Variants in PCDH15 observed in about 807,000 individuals in gnomAD.
PCDH15 encodes protocadherin-15.
A neutral mutation model predicts 178.5 loss-of-function variants in PCDH15; 129 were observed. The ratio of observed to expected loss-of-function variants is 0.72; its 90% CI spans 0.63 to 0.84. PCDH15 has a LOEUF of 0.84. PCDH15 is among the 40% of genes least tolerant of loss of function. The pLI, the probability that PCDH15 is intolerant of heterozygous loss-of-function variation, is 0.00. For missense variants in PCDH15, 2,230 were observed against 2,099.9 expected (o/e 1.06, Z -1.21); for synonymous variants, 800 against 732.0 (o/e 1.09, Z -1.50).
Position 54,349,656 on chromosome 10 carries a change from A to C in PCDH15, c.475-3172T>G, listed in dbSNP as rs183787351. On this transcript the variant is annotated intron_variant, in intron 5 of 37. Coordinates refer to ENST00000644397, the MANE Select transcript of PCDH15 (RefSeq NM_001384140.1). ...ATAATGTTTAATATGTAGTCCTTTA[A>C]AATAAACTCTACATTGTTATAATGT... Among the ~76,000 whole-genome samples, 895 of 151,314 alleles carry C rather than the reference A, an allele frequency of 5.9e-3. 6 individuals carry two copies. Among genetic ancestry groups the C allele is most frequent in the African/African-American group, 0.02 (835 of 41,238 alleles).
In PCDH15 at chr10:53,857,185, C is replaced by A; in HGVS notation, c.3796G>T (p.Asp1266Tyr). The A allele has an allele frequency of 6.3e-7, 1 of 1,595,706 alleles. No homozygotes were observed. The highest frequency in any genetic ancestry group is 8.6e-7 in the Non-Finnish European group (1 of 1,164,062). The change falls in exon 28 of 38, where the codon GAT becomes TAT. Residue 1266 changes from aspartate (D) to tyrosine (Y), a missense_variant. Coordinates refer to ENST00000644397, the MANE Select transcript of PCDH15 (RefSeq NM_001384140.1). Reference protein sequence around the residue: ...PPTLVEKKIEDLTEILDRYVQ... With the variant: ...PPTLVEKKIEYLTEILDRYVQ... ...GACAAAATCAATTACTCTGTAAGAT[C>A]TTCTATCTTTTTTTCCACTAGAGTA... is the stretch of plus-strand genomic sequence containing the variant.
chr10:54,239,276 T>A (rs1312744368), intron 8 of PCDH15, among the ~76,000 whole-genome samples: 1 of 151,966 alleles, frequency 6.6e-6, no homozygotes, highest in Non-Finnish European at 1.5e-5. Context: ...ATAGAATTGT[T>A]GAAATGAGCA....
chr10:54,812,651 G>T (rs1952883441), intron 3 of PCDH15, among the ~76,000 whole-genome samples: 3 of 151,974 alleles, frequency 2.0e-5, no homozygotes, highest in Admixed American at 1.3e-4. Context: ...TAGAGACAGG[G>T]TTTCACCATG....
chr10:54,497,650 T>G (rs898866575), intron 3 of PCDH15, among the ~76,000 whole-genome samples: 1 of 152,008 alleles, frequency 6.6e-6, no homozygotes, highest in Non-Finnish European at 1.5e-5. Context: ...AGAATATGAT[T>G]GGAAACAATA....
At chr10:53,888,318 G>GTATTTATATGTATGTACATATATA (rs1238264864) in intron 26 of PCDH15, among the ~76,000 whole-genome samples, 1 of 91,824 alleles carries the variant, frequency 1.1e-5, no homozygotes, top group Non-Finnish European at 1.9e-5. Flanking sequence ...ATGTATATAT[G>GTATTTATATGTATGTACATATATA]TACGTATATA....
At chr10:55,555,585 AG>A (rs1842074564) in intron 2 of PCDH15, among the ~76,000 whole-genome samples, 1 of 152,132 alleles carries the variant, frequency 6.6e-6, no homozygotes, top group African/African-American at 2.4e-5. Context: ...GAAACAAGTA[AG>A]TGAAGACCAC....
chr10:53,905,301 G>A, intron 25 of PCDH15: 1 of 497,084 alleles, frequency 2.0e-6, no homozygotes, highest in South Asian at 1.5e-5. Context: ...TAAATCAAAT[G>A]TTAAACCAAC....
rs562167252 is a variant in PCDH15, at chr10:54,900,306, A to C, written c.-79-2806T>G. Among the ~76,000 whole-genome samples, 11 of 152,318 alleles carry C rather than the reference A, an allele frequency of 7.2e-5. No individual in the cohort carries two copies. In the East Asian group the frequency reaches 1.9e-3, roughly 27 times the overall value. On this transcript the variant is annotated intron_variant, in intron 2 of 5. Coordinates refer to the PCDH15 transcript ENST00000458638. Reference sequence around the variant, plus strand: ...ATAATATTCGAACGTGATAATTTTAAGGGGAAAATTGTCAGTGTAAAAAAA... The same window carrying C: ...ATAATATTCGAACGTGATAATTTTACGGGGAAAATTGTCAGTGTAAAAAAA...
At chr10:54,709,413 A>C (rs2095404631) in intron 1 of PCDH15, among the ~76,000 whole-genome samples, 1 of 151,682 alleles carries the variant, frequency 6.6e-6, no homozygotes, top group Non-Finnish European at 1.5e-5. Context: ...TATACTGCAC[A>C]ATCTATTTAA....
intron 2 of PCDH15, among the ~76,000 whole-genome samples, chr10:55,532,460 G>A (rs1841475847): frequency 6.6e-6 from 1 of 152,016 alleles, no homozygotes; most frequent in South Asian, 2.1e-4. Flanking sequence ...TGACTTCTAT[G>A]TGCTGTGATA....
rs1485254070 is a variant in PCDH15, at chr10:53,888,687, ATATATATATATATAT to A, written c.3501+14541_3501+14555del. ...TTGATATATATATATATATATATATATATATATATATATATATCTCCTGTGGAAATTGATAAGCTG... is the reference window on the plus strand; with the variant it reads ...TTGATATATATATATATATATATATAATCTCCTGTGGAAATTGATAAGCTG... On this transcript the variant is annotated intron_variant, in intron 26 of 37. Transcript: ENST00000644397. 5.8e-4 allele frequency among the ~76,000 whole-genome samples: 26 copies of A among 45,092 alleles called. 3 individuals are homozygous for A. The South Asian group carries it at 6.8e-3, about 12-fold the overall frequency. 29.6% of individuals were successfully genotyped at this position (45,092 alleles called of 152,430 possible).
chr10:54,141,368 A>G lies in PCDH15; in HGVS notation c.1785-8361T>C, dbSNP rs368541192. Among the ~76,000 whole-genome samples the G allele has an allele frequency of 2.6e-5, 4 of 152,132 alleles. No homozygotes were observed. In the East Asian group the frequency reaches 7.7e-4, roughly 29 times the overall value. ...TTTTAAGGTTCTTGGCAAAAATCTT[A>G]TAAAAGACTTATTTTTATGAGTTCT... On this transcript the variant is annotated intron_variant, in intron 14 of 37. Coordinates refer to ENST00000644397, the MANE Select transcript of PCDH15 (RefSeq NM_001384140.1).
At chr10:55,479,149 G>A (rs773446786) in intron 2 of PCDH15, among the ~76,000 whole-genome samples, 29 of 151,326 alleles carry the variant, frequency 1.9e-4, no homozygotes, top group Non-Finnish European at 3.3e-4. Context: ...TATGAGGTCA[G>A]CATTACTCTG....
chr10:54,008,376 A>G (rs1438197798), intron 20 of PCDH15, among the ~76,000 whole-genome samples: 1 of 152,178 alleles, frequency 6.6e-6, no homozygotes, highest in African/African-American at 2.4e-5. Context: ...CTGATGTAGA[A>G]GCGTTAAGTA....
intron 18 of PCDH15, among the ~76,000 whole-genome samples, chr10:54,040,412 G>A (rs748964821): frequency 3.3e-5 from 5 of 151,878 alleles, no homozygotes; most frequent in South Asian, 4.1e-4. Context: ...CATGTAAGAC[G>A]TGCCTTTTAC....
At chr10:53,881,212 T>C (rs1004672679) in intron 26 of PCDH15, among the ~76,000 whole-genome samples, 1 of 152,156 alleles carries the variant, frequency 6.6e-6, no homozygotes, top group Non-Finnish European at 1.5e-5. Flanking sequence ...TTAGCCAGAC[T>C]CAAATACTGC....
At chr10:54,696,123 C>T (rs964181824) in intron 1 of PCDH15, among the ~76,000 whole-genome samples, 3 of 151,906 alleles carry the variant, frequency 2.0e-5, no homozygotes, top group African/African-American at 7.3e-5. Context: ...AAATTGAAGA[C>T]CTTCCATTCT....
At chr10:54,220,047 T>C (rs1440134958) in intron 9 of PCDH15, among the ~76,000 whole-genome samples, 1 of 152,210 alleles carries the variant, frequency 6.6e-6, no homozygotes, top group Non-Finnish European at 1.5e-5. Context: ...TTTTCAAAAA[T>C]GCAATATAAT....
chr10:54,553,799 G>A (rs1008574003), intron 2 of PCDH15, among the ~76,000 whole-genome samples: 4 of 151,844 alleles, frequency 2.6e-5, no homozygotes, highest in East Asian at 1.9e-4. Flanking sequence ...TCAGATTATC[G>A]AGGCTGGGAT....
Sources: gnomAD v4.1 joint callset for allele counts (sites outside exome capture counted in the v4.1 genomes callset) on GRCh38, gnomAD v4.1.1 for gene constraint, MANE v1.5 for transcripts, NCBI Gene and HGNC (gene_info 2026-07-23, HGNC 2026-07-21) for gene names.